The following EPM2A variants were observed in gnomAD, a reference collection of about 807,000 sequenced individuals.
EPM2A encodes the protein EPM2A glucan phosphatase, laforin.
Under a neutral mutation model 26.5 loss-of-function variants are expected in EPM2A, and 21 were observed. The ratio of observed to expected loss-of-function variants is 0.79; its 90% CI spans 0.56 to 1.14. The LOEUF (loss-of-function observed/expected upper bound fraction) is 1.14. Ranked by LOEUF, EPM2A falls within the 50% of genes most tolerant of loss-of-function variation. The probability of loss-of-function intolerance (pLI) is 0.00; values close to 1 mark genes in which losing one functional copy is unlikely to be tolerated. For missense variants in EPM2A, 458 were observed against 440.8 expected (o/e 1.04, Z -0.35); for synonymous variants, 217 against 177.6 (o/e 1.22, Z -1.76).
intron 4 of EPM2A, among the ~76,000 whole-genome samples, chr6:145,458,359 C>A (rs563055096): frequency 1.6e-4 from 25 of 152,242 alleles, no homozygotes; most frequent in African/African-American, 5.8e-4. Context: ...TGAAGAAAAG[C>A]TCTATCTATT....
rs1779544720 is a variant in EPM2A at position 145,476,435 on chromosome 6, A to G, written c.555+26087T>C. Among the ~76,000 whole-genome samples, 3 of 152,182 alleles carry G rather than the reference A, an allele frequency of 2.0e-5. No individual in the cohort carries two copies. The South Asian group carries it at 6.2e-4, about 32-fold the overall frequency. Reference sequence around the variant, plus strand: ...AAAAAGAAAAACAGTCTTAATCTGTACTATAGACTAAATGGATCTAAATAT... The same window carrying G: ...AAAAAGAAAAACAGTCTTAATCTGTGCTATAGACTAAATGGATCTAAATAT... On this transcript the variant is annotated intron_variant, in intron 4 of 4. Transcript: ENST00000638717.
At chr6:145,546,323 G>A (rs962678190) in intron 2 of EPM2A, among the ~76,000 whole-genome samples, 1 of 152,094 alleles carries the variant, frequency 6.6e-6, no homozygotes, top group Non-Finnish European at 1.5e-5. Flanking sequence ...CCAGCTTTGG[G>A]GGAGAGAGAG....
intron 2 of EPM2A, among the ~76,000 whole-genome samples, chr6:145,556,113 A>T (rs1780725572): frequency 6.6e-6 from 1 of 152,160 alleles, no homozygotes; most frequent in Non-Finnish European, 1.5e-5. Flanking sequence ...AAAACAACAC[A>T]TTTTTACACA....
chr6:145,723,930 C>T (rs1776070905), intron 1 of EPM2A, among the ~76,000 whole-genome samples: 1 of 152,044 alleles, frequency 6.6e-6, no homozygotes, highest in African/African-American at 2.4e-5. Context: ...ATACAAAGAA[C>T]AAACAGAAAG....
chr6:145,508,663 T>C (rs1043857123), intron 2 of EPM2A, among the ~76,000 whole-genome samples: 1 of 152,198 alleles, frequency 6.6e-6, no homozygotes, highest in African/African-American at 2.4e-5. Flanking sequence ...GGAACCAGTA[T>C]AAGAACTCTG....
intron 2 of EPM2A, among the ~76,000 whole-genome samples, chr6:145,671,851 A>G (rs1477653034): frequency 6.6e-6 from 1 of 152,202 alleles, no homozygotes; most frequent in African/African-American, 2.4e-5. Context: ...TTTACAATAC[A>G]TTTTCTAAAC....
intron 4 of EPM2A, chr6:145,489,570 C>T: frequency 1.2e-6 from 1 of 814,368 alleles, no homozygotes; most frequent in South Asian, 1.8e-5. Context: ...GACAGTCATA[C>T]TGCCCATAAT....
intron 4 of EPM2A, among the ~76,000 whole-genome samples, chr6:145,491,544 C>T (rs1292574026): frequency 6.6e-6 from 1 of 152,166 alleles, no homozygotes. Flanking sequence ...CTTCTCCGGT[C>T]TCTGCCAATG....
rs1036585048 is a variant in EPM2A, at chr6:145,627,832, T to C, written c.719-139A>G. 20 of 1,262,376 alleles carry C rather than the reference T, an allele frequency of 1.6e-5. No homozygotes were observed. In the East Asian group the frequency reaches 4.0e-4, roughly 26 times the overall value. 78.2% of individuals were successfully genotyped at this position (1,262,376 alleles called of 1,614,324 possible). ...TACGAGAGTTTGCTTTCTTTCTGCA[T>C]TGTGAAGGAAAAAGTGAGACCATTT... On this transcript the variant is annotated intron_variant, in intron 3 of 3. Transcript: ENST00000367519.
chr6:145,517,570 G>T (rs527908513), intron 2 of EPM2A, among the ~76,000 whole-genome samples: 13 of 152,180 alleles, frequency 8.5e-5, no homozygotes, highest in African/African-American at 2.9e-4. Flanking sequence ...GCTTCGAAAG[G>T]CATAATGTAA....
intron 2 of EPM2A, among the ~76,000 whole-genome samples, chr6:145,581,706 C>T (rs1356938888): frequency 2.6e-5 from 4 of 152,104 alleles, no homozygotes; most frequent in African/African-American, 9.6e-5. Flanking sequence ...ATTCTGCCTA[C>T]AACTGGCCAG....
chr6:145,601,674 C>T (rs1164019912), intron 2 of EPM2A, among the ~76,000 whole-genome samples: 1 of 152,156 alleles, frequency 6.6e-6, no homozygotes. Flanking sequence ...TGTTGTACAT[C>T]ATGGAATATT....
intron 1 of EPM2A, among the ~76,000 whole-genome samples, chr6:145,701,986 C>T (rs748216137): frequency 3.3e-5 from 5 of 152,108 alleles, no homozygotes; most frequent in African/African-American, 9.7e-5. Context: ...TATACCTCTT[C>T]GCTATAACAC....
At chr6:145,407,153 C>G (rs1778580052) in intron 4 of EPM2A, among the ~76,000 whole-genome samples, 1 of 152,090 alleles carries the variant, frequency 6.6e-6, no homozygotes. Context: ...AAAGAAAAGC[C>G]ACTGTGATTG....
Position 145,432,591 on chromosome 6 carries a change from C to T in EPM2A, c.556-48494G>A, listed in dbSNP as rs1214708257. On this transcript the variant is annotated intron_variant, in intron 4 of 4. Transcript: ENST00000638717. ...AGAGATGTTCTGTCTTACAAGCTTT[C>T]TTGTTCCATTTATAGAGCACAGTTC... Among the ~76,000 whole-genome samples, 3 of 150,132 alleles carry T rather than the reference C, an allele frequency of 2.0e-5. No individual in the cohort carries two copies. In the East Asian group the frequency reaches 6.0e-4, roughly 30 times the overall value.
intron 2 of EPM2A, among the ~76,000 whole-genome samples, chr6:145,668,555 T>C (rs1304089321): frequency 6.6e-6 from 1 of 152,288 alleles, no homozygotes; most frequent in African/African-American, 2.4e-5. Flanking sequence ...AAATTGATGA[T>C]AGACTACTCT....
In EPM2A at chr6:145,627,363, A is replaced by C; in HGVS notation, c.*53T>G. 1.2e-6 allele frequency: 2 copies of C among 1,611,154 alleles called. No homozygotes were observed. Among genetic ancestry groups the C allele is most frequent in the Middle Eastern group, 3.3e-4 (2 of 6,046 alleles). On this transcript the variant is annotated 3_prime_UTR_variant, in exon 4 of 4. Coordinates refer to ENST00000367519, the MANE Select transcript of EPM2A (RefSeq NM_005670.4). ...CTTGTTTCTAGGTCATTTGACCAAC[A>C]TCATCCCAGGCTCCTTAGGGAAATC...
chr6:145,482,710 A>T (rs191685679), intron 4 of EPM2A, among the ~76,000 whole-genome samples: 107 of 152,028 alleles, frequency 7.0e-4, no homozygotes, highest in African/African-American at 2.5e-3. Context: ...CTGAAGCCAG[A>T]TGATAGAAAA....
intron 1 of EPM2A, among the ~76,000 whole-genome samples, chr6:145,692,665 T>C (rs368877803): frequency 1.3e-5 from 2 of 152,116 alleles, no homozygotes; most frequent in African/African-American, 2.4e-5. Context: ...GCACTATTTA[T>C]TGAATAGGGT....
Sources: allele counts gnomAD v4.1 joint callset (sites outside exome capture counted in the v4.1 genomes callset), GRCh38; gene constraint gnomAD v4.1.1; transcripts MANE v1.5; gene names NCBI Gene and HGNC (gene_info 2026-07-23, HGNC 2026-07-21).